Variants in STARD13 observed in about 807,000 individuals in gnomAD.
The protein encoded by STARD13 is stAR-related lipid transfer protein 13.
STARD13 carries 62 observed loss-of-function variants against 106.4 expected under a neutral mutation model. The observed-to-expected ratio is 0.58, with a 90% CI of 0.48 to 0.72. STARD13 has a LOEUF of 0.72. STARD13 is among the 30% of genes least tolerant of loss of function. The pLI, the probability that STARD13 is intolerant of heterozygous loss-of-function variation, is 0.00. For missense variants in STARD13, 1,387 were observed against 1,424.0 expected (o/e 0.97, Z 0.42); for synonymous variants, 565 against 553.0 (o/e 1.02, Z -0.31).
At chr13:33,309,256 C>G (rs1293246226) in intron 1 of STARD13, among the ~76,000 whole-genome samples, 1 of 152,220 alleles carries the variant, frequency 6.6e-6, no homozygotes, top group Non-Finnish European at 1.5e-5. Context: ...CATACAACCA[C>G]TCTTCCTTCT....
In STARD13 at chr13:33,165,351, T is replaced by C. The variant is rs1883194978; in HGVS notation, c.309A>G (p.Val103=). The change falls in exon 3 of 14, where the codon GTA becomes GTG. Residue 103 remains valine, a synonymous_variant. Coordinates refer to ENST00000336934, the MANE Select transcript of STARD13 (RefSeq NM_178006.4). ...ACATGGTTTACCTGCAAAGAGGTTCTACAAGGTCCTTTTCAAGAAAATCAT... is the reference window on the plus strand; with the variant it reads ...ACATGGTTTACCTGCAAAGAGGTTCCACAAGGTCCTTTTCAAGAAAATCAT... The part of the protein sequence containing the change: ...NDHDFLEKDL[V]EPLCRRLNTL... 3 of 1,613,172 alleles carry C rather than the reference T, an allele frequency of 1.9e-6. No homozygotes were observed. Among genetic ancestry groups the C allele is most frequent in the Non-Finnish European group, 2.5e-6 (3 of 1,179,234 alleles).
At chr13:33,560,617 A>T in the STARD13 span, among the ~76,000 whole-genome samples, 1 of 151,532 alleles carries the variant, frequency 6.6e-6, no homozygotes, top group Non-Finnish European at 1.5e-5. Context: ...GCAGCAACAG[A>T]GCAGAGAAAA....
chr13:33,515,447 ATCC>A, the STARD13 span, among the ~76,000 whole-genome samples: 1 of 152,170 alleles, frequency 6.6e-6, no homozygotes, highest in African/African-American at 2.4e-5. Flanking sequence ...TTTTAGGAGC[ATCC>A]ACTTTTGTCC....
chr13:33,456,458 G>A, the STARD13 span, among the ~76,000 whole-genome samples: 1 of 152,124 alleles, frequency 6.6e-6, no homozygotes, highest in African/African-American at 2.4e-5. Flanking sequence ...CCAAAGTGCT[G>A]GGATTACAGG....
the STARD13 span, among the ~76,000 whole-genome samples, chr13:33,397,491 C>T: frequency 6.6e-6 from 1 of 152,144 alleles, no homozygotes; most frequent in Non-Finnish European, 1.5e-5. Flanking sequence ...GTCTCTGATC[C>T]AGGAGACTCA....
chr13:33,126,100 C>A lies in STARD13; in HGVS notation c.2063G>T (p.Arg688Leu), dbSNP rs528225686. The change falls in exon 7 of 14, where the codon CGC becomes CTC. Residue 688 changes from arginine to leucine, a missense_variant. Physicochemically the swap from Arg to Leu is moderately radical, Grantham distance 102. Coordinates refer to ENST00000336934, the MANE Select transcript of STARD13 (RefSeq NM_178006.4). ...QSIQQALRYL[R>L]SNCLDQVGLF... ...CCCTACCTGATCGAGGCAGTTGCTG[C>A]GTAGATATCTCAGTGCTTGCTGAAT... is the stretch of plus-strand genomic sequence containing the variant. The A allele has an allele frequency of 6.2e-7, 1 of 1,614,006 alleles. No individual in the cohort carries two copies. Among genetic ancestry groups the A allele is most frequent in the Non-Finnish European group, 8.5e-7 (1 of 1,179,968 alleles).
intron 1 of STARD13, among the ~76,000 whole-genome samples, chr13:33,301,424 C>G (rs546969632): frequency 3.9e-5 from 6 of 152,246 alleles, no homozygotes; most frequent in South Asian, 4.1e-4. Flanking sequence ...GTCTAATATG[C>G]CTTTTACTTC....
intron 1 of STARD13, among the ~76,000 whole-genome samples, chr13:33,221,358 G>A (rs1888344891): frequency 6.6e-6 from 1 of 152,168 alleles, no homozygotes; most frequent in South Asian, 2.1e-4. Flanking sequence ...ATTTCACTTA[G>A]TATAATGTCC....
the STARD13 span, among the ~76,000 whole-genome samples, chr13:33,660,905 G>T: frequency 6.6e-6 from 1 of 152,132 alleles, no homozygotes; most frequent in Non-Finnish European, 1.5e-5. Context: ...ATTCCTAATG[G>T]TTTCACTTTC....
chr13:33,306,971 A>C (rs1892932416), intron 1 of STARD13, among the ~76,000 whole-genome samples: 1 of 149,028 alleles, frequency 6.7e-6, no homozygotes, highest in African/African-American at 2.5e-5. Context: ...AAAAAAAAAA[A>C]GAAAGAAGAA....
At chr13:33,196,525 C>T (rs1360996442) in intron 1 of STARD13, among the ~76,000 whole-genome samples, 1 of 152,130 alleles carries the variant, frequency 6.6e-6, no homozygotes, top group Admixed American at 6.5e-5. Context: ...GGGAGGGTGG[C>T]GATTGTATAG....
the STARD13 span, among the ~76,000 whole-genome samples, chr13:33,481,986 A>G: frequency 2.0e-5 from 3 of 151,388 alleles, no homozygotes; most frequent in Non-Finnish European, 3.0e-5. Context: ...CCGTCTCGAA[A>G]AAAAAAAAAA....
chr13:33,182,526 T>A (rs544864422), intron 1 of STARD13, among the ~76,000 whole-genome samples: 1 of 152,162 alleles, frequency 6.6e-6, no homozygotes, highest in African/African-American at 2.4e-5. Context: ...CCGGACCACA[T>A]TGGAATAAGA....
At chr13:33,613,876 A>G in the STARD13 span, among the ~76,000 whole-genome samples, 2 of 152,206 alleles carry the variant, frequency 1.3e-5, no homozygotes, top group Non-Finnish European at 2.9e-5. Flanking sequence ...TTTTAGGGCT[A>G]AAAGTGCAGA....
intron 1 of STARD13, among the ~76,000 whole-genome samples, chr13:33,267,661 A>G (rs1011414751): frequency 6.6e-5 from 10 of 152,256 alleles, no homozygotes; most frequent in African/African-American, 1.9e-4. Flanking sequence ...AGAAATAGAA[A>G]GACAATAAAT....
At chr13:33,381,611 G>T in the STARD13 span, among the ~76,000 whole-genome samples, 1 of 152,008 alleles carries the variant, frequency 6.6e-6, no homozygotes, top group Non-Finnish European at 1.5e-5. Context: ...GTGGTGGCAG[G>T]CGCCTGTAAT....
chr13:33,117,233 T>A (rs1196447431), intron 8 of STARD13, among the ~76,000 whole-genome samples: 1 of 152,142 alleles, frequency 6.6e-6, no homozygotes, highest in African/African-American at 2.4e-5. Flanking sequence ...CTCAGCCTCC[T>A]GAGTAGCTGG....
chr13:33,110,182 T>C lies in STARD13; in HGVS notation c.2830-92A>G, dbSNP rs375318061. On this transcript the variant is annotated intron_variant, in intron 11 of 13. Coordinates refer to ENST00000336934, the MANE Select transcript of STARD13 (RefSeq NM_178006.4). ...GGCTTTTAGTTTTGCTATCATACCT[T>C]GCTGGGTGTTCAAAAACCATCACTG... 1.7e-3 allele frequency: 1,852 copies of C among 1,116,606 alleles called. 55 individuals are homozygous for C. In the South Asian group the frequency reaches 0.025, roughly 15 times the overall value. The allele number at this position is 1,116,606 out of a possible 1,614,324, so 69.2% of individuals were successfully genotyped here.
chr13:33,499,002 G>T, the STARD13 span, among the ~76,000 whole-genome samples: 6 of 152,178 alleles, frequency 3.9e-5, no homozygotes, highest in African/African-American at 1.4e-4. Context: ...GACAGGTGTG[G>T]TGGCACATGC....
Sources: allele counts gnomAD v4.1 joint callset (sites outside exome capture counted in the v4.1 genomes callset), GRCh38; gene constraint gnomAD v4.1.1; transcripts MANE v1.5; gene names NCBI Gene and HGNC (gene_info 2026-07-23, HGNC 2026-07-21).